HEPHL1: variants seen among roughly 807,000 people sequenced by gnomAD.
HEPHL1 encodes the protein hephaestin like 1, also known as ferroxidase HEPHL1.
HEPHL1 carries 123 observed loss-of-function variants against 122.0 expected under a neutral mutation model. The observed-to-expected ratio is 1.01, with a 90% CI of 0.87 to 1.17. The LOEUF (loss-of-function observed/expected upper bound fraction) is 1.17. Ranked by LOEUF, HEPHL1 falls within the 50% of genes most tolerant of loss-of-function variation. The pLI, the probability that HEPHL1 is intolerant of heterozygous loss-of-function variation, is 0.00. For synonymous variants in HEPHL1, 527 were observed against 508.9 expected (o/e 1.04, Z -0.48); for missense variants, 1,452 against 1,430.5 (o/e 1.01, Z -0.24).
chr11:94,021,485 C>T lies in HEPHL1; in HGVS notation c.117C>T (p.Asn39=). The part of the protein sequence containing the change: ...YYIGIVEEYW[N]YVPQGKNVIT... ...TTGGGATTGTGGAAGAATACTGGAA[C>T]TATGTACCCCAAGGGAAGAATGTTA... The change falls in exon 1 of 20, where the codon AAC becomes AAT. Residue 39 remains asparagine (N), a synonymous_variant. Coordinates refer to ENST00000315765, the MANE Select transcript of HEPHL1 (RefSeq NM_001098672.2). 6.2e-7 allele frequency: 1 copy of T among 1,613,170 alleles called. No individual in the cohort carries two copies. Among genetic ancestry groups the T allele is most frequent in the Non-Finnish European group, 8.5e-7 (1 of 1,179,352 alleles).
chr11:94,067,400 G>T, intron 4 of HEPHL1, 96 bp from the exon 5 acceptor site: 8 of 1,222,448 alleles, frequency 6.5e-6, no homozygotes, highest in Non-Finnish European at 9.4e-6. Context: ...GGTCTGCACT[G>T]GTTTTCCAGC....
chr11:94,075,778 T>C (rs1307019668), intron 9 of HEPHL1, among the ~76,000 whole-genome samples: 1 of 152,156 alleles, frequency 6.6e-6, no homozygotes, highest in Non-Finnish European at 1.5e-5. Flanking sequence ...TACAGACTAA[T>C]TAAATCAGAA....
At chr11:94,093,357 G>T (rs542066286) in intron 12 of HEPHL1, 144 bp from the exon 13 acceptor site, 3 of 856,758 alleles carry the variant, frequency 3.5e-6, no homozygotes, top group Admixed American at 2.3e-5. Flanking sequence ...AGAAAGTATG[G>T]TGCAAAAGGC....
At chr11:94,086,321 A>G (rs1946218237) in intron 11 of HEPHL1, 132 bp downstream of exon 11, 1 of 669,018 alleles carries the variant, frequency 1.5e-6, no homozygotes, top group African/African-American at 1.8e-5. Context: ...AGTCTTGATT[A>G]GAATCAGAGA....
At chr11:94,035,938 G>A (rs999877586) in intron 1 of HEPHL1, among the ~76,000 whole-genome samples, 2 of 152,068 alleles carry the variant, frequency 1.3e-5, no homozygotes, top group Admixed American at 1.3e-4. Flanking sequence ...GGGTTTCACC[G>A]TGTTAGCCAG....
chr11:94,095,511 G>GT, intron 13 of HEPHL1, among the ~76,000 whole-genome samples: 1 of 152,160 alleles, frequency 6.6e-6, no homozygotes, highest in Non-Finnish European at 1.5e-5. Context: ...CTTTAAAGTA[G>GT]TTTTTTCCAA....
At chr11:94,037,253 G>A (rs1341739364) in intron 1 of HEPHL1, among the ~76,000 whole-genome samples, 1 of 152,094 alleles carries the variant, frequency 6.6e-6, no homozygotes, top group African/African-American at 2.4e-5. Flanking sequence ...TAGCACAGCA[G>A]TCTGAGATCA....
At chr11:94,064,662 A>G (rs1946019361) in intron 4 of HEPHL1, among the ~76,000 whole-genome samples, 152 bp downstream of exon 4, 2 of 152,206 alleles carry the variant, frequency 1.3e-5, no homozygotes, top group Admixed American at 1.3e-4. Flanking sequence ...AATACATGAC[A>G]CATGTTTGAA....
At chr11:94,111,482 G>C (rs1274566792) in intron 18 of HEPHL1, 55 bp from the exon 19 acceptor site, 29 of 1,371,638 alleles carry the variant, frequency 2.1e-5, no homozygotes, top group Non-Finnish European at 2.8e-5. Context: ...CTAGTGTCAT[G>C]AAAAGAATCC....
intron 1 of HEPHL1, 88 bp downstream of exon 1, chr11:94,021,626 A>G (rs982602655): frequency 9.7e-7 from 1 of 1,033,168 alleles, no homozygotes; most frequent in East Asian, 2.4e-5. Flanking sequence ...GGGTACTTAC[A>G]ATGGGGGTGA....
In HEPHL1 at chr11:94,112,711, G is replaced by C. The variant is rs1394248407; in HGVS notation, c.*817G>C. The C allele has an allele frequency of 1.3e-5, 2 of 152,148 alleles. No individual in the cohort carries two copies. The highest frequency in any genetic ancestry group is 3.9e-4 in the East Asian group (2 of 5,184). The allele number at this position is 152,148 out of a possible 1,614,324, so 9.4% of individuals were successfully genotyped here. Reference sequence around the variant, plus strand: ...CTGAAATCTGTAAAAGAACATGTTAGGCTCTCCCTTTATGAATCAGGGACT... The same window carrying C: ...CTGAAATCTGTAAAAGAACATGTTACGCTCTCCCTTTATGAATCAGGGACT... On this transcript the variant is annotated 3_prime_UTR_variant, in exon 20 of 20. Transcript: ENST00000315765.
chr11:94,060,318 A>T (rs1009976947), intron 2 of HEPHL1, among the ~76,000 whole-genome samples: 6 of 151,754 alleles, frequency 4.0e-5, no homozygotes, highest in Non-Finnish European at 8.8e-5. Context: ...GTATACACAT[A>T]TACATACTAT....
intron 1 of HEPHL1, among the ~76,000 whole-genome samples, chr11:94,043,396 G>A (rs982447889): frequency 6.6e-6 from 1 of 152,168 alleles, no homozygotes; most frequent in South Asian, 2.1e-4. Context: ...ACACTCTGTG[G>A]CTGTCCCTGA....
rs189500658 is a variant in HEPHL1 at position 94,045,483 on chromosome 11, C to T, written c.171-190C>T. On this transcript the variant is annotated intron_variant, in intron 1 of 19. Transcript: ENST00000315765. ...AATACTGCTTGTGCCCTTTGGCTTG[C>T]CACTTCATTGCTGAATCTCATTTCC... 5.6e-4 allele frequency among the ~76,000 whole-genome samples: 85 copies of T among 152,302 alleles called. 1 individual carries two copies. The highest frequency in any genetic ancestry group is 5.5e-3 in the Admixed American group (84 of 15,294).
At chr11:94,022,672 T>C (rs1945592261) in intron 1 of HEPHL1, among the ~76,000 whole-genome samples, 1 of 152,236 alleles carries the variant, frequency 6.6e-6, no homozygotes, top group African/African-American at 2.4e-5. Flanking sequence ...TACCTGGAAA[T>C]GTAATGTCTG....
intron 10 of HEPHL1, among the ~76,000 whole-genome samples, chr11:94,084,088 G>A (rs1446760898): frequency 2.0e-5 from 3 of 152,134 alleles, no homozygotes; most frequent in African/African-American, 7.2e-5. Flanking sequence ...ACTTTGGGAG[G>A]TCAAGGTGGG....
At chr11:94,081,515 G>A (rs1364859225) in intron 9 of HEPHL1, among the ~76,000 whole-genome samples, 3 of 152,176 alleles carry the variant, frequency 2.0e-5, no homozygotes, top group Non-Finnish European at 4.4e-5. Context: ...ATACTGCAGC[G>A]ATCTGTGATG....
At chr11:94,055,967 A>G in intron 2 of HEPHL1, 1 of 1,315,232 alleles carries the variant, frequency 7.6e-7, no homozygotes, top group Non-Finnish European at 1.0e-6. Context: ...ACACTTTGGC[A>G]GCCATGTTTC....
At position 94,064,435 on chromosome 11, in the gene HEPHL1, A is replaced by G. The variant is rs1169684867; in HGVS notation, c.733A>G (p.Ile245Val). 3 of 1,613,074 alleles carry G rather than the reference A, an allele frequency of 1.9e-6. No individual in the cohort carries two copies. Among genetic ancestry groups the G allele is most frequent in the East Asian group, 2.2e-5 (1 of 44,870 alleles). The stretch of plus-strand genomic sequence containing the variant: ...TCAAAGCTGGTACCTCAATGAAAAT[A>G]TCAAACATTTCTGCACCAACCCTGA... ...ENQSWYLNEN[I>V]KHFCTNPDSV... Residue 245 changes from isoleucine to valine, a missense_variant, in exon 4 of 20, where the codon ATC becomes GTC. By Grantham distance (29) the Ile-to-Val change is conservative. Coordinates refer to ENST00000315765, the MANE Select transcript of HEPHL1 (RefSeq NM_001098672.2).
Sources: gnomAD v4.1 joint callset for allele counts (sites outside exome capture counted in the v4.1 genomes callset) on GRCh38, gnomAD v4.1.1 for gene constraint, MANE v1.5 for transcripts, NCBI Gene and HGNC (gene_info 2026-07-23, HGNC 2026-07-21) for gene names.